The following TMPRSS11E variants were observed in gnomAD, a reference collection of about 807,000 sequenced individuals.
TMPRSS11E encodes transmembrane serine protease 11E.
TMPRSS11E carries 38 observed loss-of-function variants against 48.1 expected under a neutral mutation model. The ratio of observed to expected loss-of-function variants is 0.79; its 90% confidence interval spans 0.61 to 1.04. The LOEUF (loss-of-function observed/expected upper bound fraction) is 1.04. TMPRSS11E is among the 50% of genes least tolerant of loss of function. TMPRSS11E has a pLI of 0.00. For synonymous variants in TMPRSS11E, 158 were observed against 171.9 expected (o/e 0.92, Z 0.63); for missense variants, 530 against 510.8 (o/e 1.04, Z -0.36).
At chr4:68,477,133 G>C (rs985770797) in intron 7 of TMPRSS11E, among the ~76,000 whole-genome samples, 1 of 151,926 alleles carries the variant, frequency 6.6e-6, no homozygotes, top group African/African-American at 2.4e-5. Context: ...AAATCAAAAA[G>C]CCTTAGCATT....
intron 4 of TMPRSS11E, 95 bp from the exon 5 acceptor site, chr4:68,471,362 TTTC>T (rs1172482548): frequency 1.9e-6 from 1 of 522,706 alleles, no homozygotes; most frequent in Non-Finnish European, 2.9e-6. Flanking sequence ...CCCTCCCTCC[TTTC>T]TTCACTTCCT....
At chr4:68,451,138 A>AG (rs1728486776) in intron 1 of TMPRSS11E, among the ~76,000 whole-genome samples, 1 of 151,898 alleles carries the variant, frequency 6.6e-6, no homozygotes, top group East Asian at 1.9e-4. Flanking sequence ...GTCGTGAAGC[A>AG]GGTCTTCTGG....
chr4:68,474,653 A>C, intron 5 of TMPRSS11E, 70 bp from the exon 6 acceptor site: 1 of 1,413,690 alleles, frequency 7.1e-7, no homozygotes, highest in Non-Finnish European at 9.8e-7. Context: ...GCCTTTTAGT[A>C]TTTGAAATAC....
intron 1 of TMPRSS11E, among the ~76,000 whole-genome samples, chr4:68,458,588 G>A (rs890670676): frequency 1.3e-5 from 2 of 152,116 alleles, no homozygotes; most frequent in African/African-American, 2.4e-5. Flanking sequence ...TTATACAAAC[G>A]TCTGTTGATA....
intron 9 of TMPRSS11E, among the ~76,000 whole-genome samples, chr4:68,488,139 G>A (rs1208001543): frequency 1.3e-5 from 2 of 152,082 alleles, no homozygotes; most frequent in South Asian, 4.2e-4. Flanking sequence ...AAGGCGTCTG[G>A]AGGATGGGTG....
chr4:68,459,703 T>G (rs1269855111), intron 1 of TMPRSS11E, among the ~76,000 whole-genome samples: 1 of 152,218 alleles, frequency 6.6e-6, no homozygotes, highest in Non-Finnish European at 1.5e-5. Context: ...GTGTCTAATA[T>G]TTCACAATTC....
At chr4:68,459,031 T>G (rs746148774) in intron 1 of TMPRSS11E, among the ~76,000 whole-genome samples, 24 of 151,694 alleles carry the variant, frequency 1.6e-4, no homozygotes, top group Non-Finnish European at 2.6e-4. Context: ...TTAAGACAGA[T>G]AATTGAATCT....
At chr4:68,458,608 A>C (rs1728698923) in intron 1 of TMPRSS11E, among the ~76,000 whole-genome samples, 1 of 152,158 alleles carries the variant, frequency 6.6e-6, no homozygotes, top group East Asian at 1.9e-4. Context: ...ATGTAAAATA[A>C]ATTTATTCCT....
chr4:68,476,400 T>C lies in TMPRSS11E; in HGVS notation c.669T>C (p.Asn223=). The C allele has an allele frequency of 6.2e-7, 1 of 1,613,952 alleles. No homozygotes were observed. Among genetic ancestry groups the C allele is most frequent in the Non-Finnish European group, 8.5e-7 (1 of 1,179,880 alleles). ...ATCGCTGTGGAGCAACCTTAATTAA[T>C]GCCACATGGCTTGTGAGTGCTGCTC... is the stretch of plus-strand genomic sequence containing the variant. ...GSHRCGATLI[N]ATWLVSAAHC... is the part of the protein sequence containing the mutation. The change falls in exon 7 of 10, where the codon AAT becomes AAC. Residue 223 remains asparagine, a synonymous_variant. Transcript: ENST00000305363.
chr4:68,460,181 A>C (rs2109670650), intron 1 of TMPRSS11E, among the ~76,000 whole-genome samples: 1 of 152,196 alleles, frequency 6.6e-6, no homozygotes, highest in African/African-American at 2.4e-5. Flanking sequence ...CAGGGACAGG[A>C]TTATACAGCG....
At chr4:68,491,002 A>T (rs764936904) in intron 9 of TMPRSS11E, among the ~76,000 whole-genome samples, 1 of 151,828 alleles carries the variant, frequency 6.6e-6, no homozygotes, top group Non-Finnish European at 1.5e-5. Context: ...CAGGTCATCC[A>T]CCTGCTTCAG....
In TMPRSS11E at chr4:68,448,485, C is replaced by T. The variant is rs553889217; in HGVS notation, c.11+962C>T. Among the ~76,000 whole-genome samples, 5 of 151,972 alleles carry T rather than the reference C, an allele frequency of 3.3e-5. No individual in the cohort carries two copies. In the South Asian group the frequency reaches 1.0e-3, roughly 32 times the overall value. On this transcript the variant is annotated intron_variant, in intron 1 of 9. Coordinates refer to ENST00000305363, the MANE Select transcript of TMPRSS11E (RefSeq NM_014058.4). ...TTACAACCAATGATGGTTTTGTATC[C>T]TATTCTCTTTTTCTCATTGACTTTA...
intron 7 of TMPRSS11E, 80 bp from the exon 8 acceptor site, chr4:68,477,289 G>A: frequency 1.5e-6 from 2 of 1,371,210 alleles, no homozygotes; most frequent in South Asian, 2.9e-5. Flanking sequence ...ATCTACACCT[G>A]TAGACTAAAT....
intron 8 of TMPRSS11E, among the ~76,000 whole-genome samples, chr4:68,477,886 G>A (rs1729276462): frequency 6.6e-6 from 1 of 152,054 alleles, no homozygotes; most frequent in Admixed American, 6.6e-5. Flanking sequence ...ATGTCTCCTA[G>A]CCATGAACTT....
intron 1 of TMPRSS11E, among the ~76,000 whole-genome samples, chr4:68,459,639 C>T (rs1346001351): frequency 6.6e-6 from 1 of 152,110 alleles, no homozygotes; most frequent in Non-Finnish European, 1.5e-5. Flanking sequence ...AATAGAATGG[C>T]TGCATTGCTT....
At chr4:68,479,880 T>C (rs2603178) in intron 9 of TMPRSS11E, among the ~76,000 whole-genome samples, 50,884 of 151,952 alleles carry the variant, frequency 0.33, 8,819 homozygotes, top group Non-Finnish European at 0.37. Context: ...AAAAATTCTC[T>C]TAGATTTTCT....
chr4:68,456,010 C>A (rs935687917), intron 1 of TMPRSS11E, among the ~76,000 whole-genome samples: 1 of 151,840 alleles, frequency 6.6e-6, no homozygotes, highest in Non-Finnish European at 1.5e-5. Flanking sequence ...AGAGATCAGG[C>A]CAAGTGTCAA....
At chr4:68,464,225 A>G (rs369473252) in intron 2 of TMPRSS11E, among the ~76,000 whole-genome samples, 3 of 152,230 alleles carry the variant, frequency 2.0e-5, no homozygotes, top group African/African-American at 7.2e-5. Context: ...AGAAGCTGAC[A>G]TGCCAAAATA....
At chr4:68,457,764 G>A (rs1473076152) in intron 1 of TMPRSS11E, among the ~76,000 whole-genome samples, 1 of 152,032 alleles carries the variant, frequency 6.6e-6, no homozygotes, top group East Asian at 1.9e-4. Context: ...AAAAGAGGAT[G>A]AGTTCATGTT....
Sources: gnomAD v4.1 joint callset for allele counts (sites outside exome capture counted in the v4.1 genomes callset) on GRCh38, gnomAD v4.1.1 for gene constraint, MANE v1.5 for transcripts, NCBI Gene and HGNC (gene_info 2026-07-23, HGNC 2026-07-21) for gene names.